ROBO1: variants seen among roughly 807,000 people sequenced by gnomAD.
ROBO1 encodes roundabout guidance receptor 1.
A neutral mutation model predicts 195.9 loss-of-function variants in ROBO1; 149 were observed. The ratio of observed to expected loss-of-function variants is 0.76; its 90% CI spans 0.67 to 0.87. The LOEUF (loss-of-function observed/expected upper bound fraction) is 0.87, where lower values mean the gene tolerates loss of function less well. Among genes scored for constraint, ROBO1 ranks in the 40% least tolerant of loss-of-function variants. The pLI is 0.00. For synonymous variants in ROBO1, 816 were observed against 733.2 expected (o/e 1.11, Z -1.82); for missense variants, 1,933 against 2,068.3 (o/e 0.93, Z 1.27).
At chr3:78,974,437 G>A (rs936465148) in intron 3 of ROBO1, among the ~76,000 whole-genome samples, 2 of 152,100 alleles carry the variant, frequency 1.3e-5, no homozygotes, top group Non-Finnish European at 2.9e-5. Flanking sequence ...TAGACAGATG[G>A]TGTCAACAGA....
At chr3:79,177,602 A>T (rs1447370322) in intron 2 of ROBO1, among the ~76,000 whole-genome samples, 1 of 152,236 alleles carries the variant, frequency 6.6e-6, no homozygotes, top group East Asian at 1.9e-4. Flanking sequence ...ATCTTATCTT[A>T]CACTCAGAAG....
intron 4 of ROBO1, among the ~76,000 whole-genome samples, chr3:78,853,520 T>G (rs1033596473): frequency 6.6e-6 from 1 of 151,842 alleles, no homozygotes; most frequent in African/African-American, 2.4e-5. Context: ...GTTAATTTTG[T>G]ATGATCTTGG....
chr3:78,824,168 G>A (rs2031341345), intron 4 of ROBO1, among the ~76,000 whole-genome samples: 1 of 152,152 alleles, frequency 6.6e-6, no homozygotes, highest in Non-Finnish European at 1.5e-5. Context: ...AAATCTATGA[G>A]CACGACATGT....
intron 4 of ROBO1, among the ~76,000 whole-genome samples, chr3:78,864,966 C>T (rs534094424): frequency 4.6e-5 from 7 of 152,186 alleles, no homozygotes; most frequent in South Asian, 4.1e-4. Flanking sequence ...CACGTTTGAT[C>T]GCTACTTTTT....
intron 2 of ROBO1, among the ~76,000 whole-genome samples, chr3:79,440,919 C>A (rs1271315824): frequency 6.6e-6 from 1 of 152,038 alleles, no homozygotes; most frequent in Non-Finnish European, 1.5e-5. Flanking sequence ...CATAGACATG[C>A]AAGCAAATAT....
At chr3:79,120,856 T>A (rs916416606) in intron 3 of ROBO1, among the ~76,000 whole-genome samples, 22 of 152,152 alleles carry the variant, frequency 1.4e-4, no homozygotes, top group Admixed American at 4.6e-4. Context: ...TAATGTAAAC[T>A]CTCACTATTA....
intron 2 of ROBO1, among the ~76,000 whole-genome samples, chr3:79,584,893 C>A (rs1943779413): frequency 6.6e-6 from 1 of 151,604 alleles, no homozygotes; most frequent in South Asian, 2.1e-4. Flanking sequence ...AGAGAACACC[C>A]ACCTGACAGC....
chr3:79,718,543 GTTATAATCA>G (rs1702577606), intron 1 of ROBO1, among the ~76,000 whole-genome samples: 1 of 151,868 alleles, frequency 6.6e-6, no homozygotes, highest in South Asian at 2.1e-4. Flanking sequence ...GTATTATAGT[GTTATAATCA>G]TCTGTTGGCC....
intron 1 of ROBO1, among the ~76,000 whole-genome samples, chr3:79,712,478 A>G (rs1402137766): frequency 1.3e-5 from 2 of 152,168 alleles, no homozygotes; most frequent in East Asian, 3.9e-4. Context: ...AGAGGGGAGA[A>G]AGCTATAGAA....
chr3:78,626,051 T>C (rs371123678), intron 26 of ROBO1, among the ~76,000 whole-genome samples: 11 of 151,550 alleles, frequency 7.3e-5, no homozygotes, highest in Non-Finnish European at 1.5e-5. Context: ...ACATAAGAGA[T>C]ACAAAAGAAG....
chr3:79,720,792 A>ATTTT (rs36105372), intron 1 of ROBO1, among the ~76,000 whole-genome samples: 1 of 142,974 alleles, frequency 7.0e-6, no homozygotes, highest in African/African-American at 2.6e-5. Flanking sequence ...GGAGTTGCTA[A>ATTTT]TTTTTTTTTT....
At chr3:79,725,056 G>A (rs1183621037) in intron 1 of ROBO1, among the ~76,000 whole-genome samples, 1 of 151,898 alleles carries the variant, frequency 6.6e-6, no homozygotes, top group Non-Finnish European at 1.5e-5. Context: ...ATCATTCTTA[G>A]GCTAAAACAC....
At chr3:79,463,580 A>G (rs1937777745) in intron 2 of ROBO1, among the ~76,000 whole-genome samples, 1 of 152,156 alleles carries the variant, frequency 6.6e-6, no homozygotes, top group Non-Finnish European at 1.5e-5. Context: ...ATTAGCTTGA[A>G]GCCAACTTTA....
intron 26 of ROBO1, among the ~76,000 whole-genome samples, chr3:78,625,848 G>C (rs1704733952): frequency 6.6e-6 from 1 of 151,752 alleles, no homozygotes; most frequent in Admixed American, 6.6e-5. Context: ...GAATCAGGAA[G>C]GCAGAAGGAG....
In ROBO1 at chr3:78,885,431, A is replaced by C. The variant is rs530692365; in HGVS notation, c.499+53170T>G. ...TAAAACTAAAAAAAAAAAAAAAAAA[A>C]AAAAAAAAAAACTGAGAGTTCTCAA... On this transcript the variant is annotated intron_variant, in intron 4 of 30. Coordinates refer to ENST00000464233, the MANE Select transcript of ROBO1 (RefSeq NM_002941.4). 2.0e-3 allele frequency among the ~76,000 whole-genome samples: 301 copies of C among 149,564 alleles called. 3 individuals are homozygous for C. Among genetic ancestry groups the C allele is most frequent in the African/African-American group, 6.9e-3 (285 of 41,076 alleles).
At chr3:79,440,174 C>T (rs1474182616) in intron 2 of ROBO1, among the ~76,000 whole-genome samples, 2 of 152,046 alleles carry the variant, frequency 1.3e-5, no homozygotes, top group Non-Finnish European at 2.9e-5. Flanking sequence ...AGGCAAATAG[C>T]ATCACATCAC....
intron 2 of ROBO1, among the ~76,000 whole-genome samples, chr3:79,491,051 C>T (rs1188386455): frequency 2.0e-5 from 3 of 151,644 alleles, no homozygotes; most frequent in Non-Finnish European, 4.4e-5. Context: ...TATTTTTAAA[C>T]TGAAAGATAA....
At chr3:78,960,488 A>G (rs1469062503) in intron 3 of ROBO1, among the ~76,000 whole-genome samples, 7 of 151,980 alleles carry the variant, frequency 4.6e-5, no homozygotes, top group Non-Finnish European at 1.0e-4. Flanking sequence ...AGTTAAAAGA[A>G]TACATAATGG....
intron 1 of ROBO1, among the ~76,000 whole-genome samples, chr3:79,758,435 T>C (rs565840753): frequency 2.0e-5 from 3 of 152,346 alleles, no homozygotes; most frequent in African/African-American, 4.8e-5. Context: ...TGATATATTG[T>C]TGTCATCTTT....
Sources: allele counts gnomAD v4.1 joint callset (sites outside exome capture counted in the v4.1 genomes callset), GRCh38; gene constraint gnomAD v4.1.1; transcripts MANE v1.5; gene names NCBI Gene and HGNC (gene_info 2026-07-23, HGNC 2026-07-21).